HHIPL1: variants seen among roughly 807,000 people sequenced by gnomAD.
HHIPL1 encodes the protein HHIP-like protein 1.
Under a neutral mutation model 61.8 loss-of-function variants are expected in HHIPL1, and 43 were observed. The ratio of observed to expected loss-of-function variants is 0.70; its 90% CI spans 0.55 to 0.90. HHIPL1 has a LOEUF of 0.90. Ranked by LOEUF, HHIPL1 falls within the 40% of genes least tolerant of loss-of-function variation. The pLI, the probability that HHIPL1 is intolerant of heterozygous loss-of-function variation, is 0.00. For missense variants in HHIPL1, 1,056 were observed against 1,157.7 expected, an observed-to-expected ratio of 0.91 and a Z score of 1.28; for synonymous variants, 482 against 515.8, an observed-to-expected ratio of 0.93 and a Z score of 0.89.
At chr14:99,628,487 A>G in the HHIPL1 span, among the ~76,000 whole-genome samples, 1 of 151,232 alleles carries the variant, frequency 6.6e-6, no homozygotes, top group Non-Finnish European at 1.5e-5. Flanking sequence ...AGGCTGAGGC[A>G]GGAGCATCAC....
the HHIPL1 span, among the ~76,000 whole-genome samples, chr14:99,619,017 G>A: frequency 6.6e-6 from 1 of 152,166 alleles, no homozygotes; most frequent in Non-Finnish European, 1.5e-5. Flanking sequence ...TGGGGACTGG[G>A]GAGGGTGAGA....
intron 1 of HHIPL1, 41 bp downstream of exon 1, chr14:99,645,503 A>G: frequency 1.6e-6 from 2 of 1,258,436 alleles, no homozygotes; most frequent in Non-Finnish European, 9.9e-7. Flanking sequence ...GGGGCGCGGG[A>G]GGCCGAGTCC....
chr14:99,663,081 C>T, intron 6 of HHIPL1, 60 bp downstream of exon 6: 1 of 1,482,656 alleles, frequency 6.7e-7, no homozygotes, highest in Non-Finnish European at 9.1e-7. Flanking sequence ...GTCCTCCACC[C>T]TGTGGTCCTT....
chr14:99,636,830 A>G, the HHIPL1 span, among the ~76,000 whole-genome samples: 2 of 142,610 alleles, frequency 1.4e-5, no homozygotes, highest in Non-Finnish European at 3.1e-5. Context: ...CTACAAAAAA[A>G]TAAAAAATTA....
At chr14:99,615,057 G>A in the HHIPL1 span, among the ~76,000 whole-genome samples, 4 of 152,074 alleles carry the variant, frequency 2.6e-5, no homozygotes, top group African/African-American at 2.4e-5. Flanking sequence ...AAAGGAATCA[G>A]AATGATGTTG....
At position 99,657,039 on chromosome 14, in the gene HHIPL1, CG is replaced by C. The variant is rs1566810279; in HGVS notation, c.947del (p.Gly316AlafsTer174). ...EVKEPASNHN[G>X]GQLLFGDDGY... is the part of the protein sequence containing the mutation. ...TCAAAGAACCAGCCTCAAACCACAACGGGGGCCAGCTGCTTTTCGGGGATGA... is the reference window on the plus strand; with the variant it reads ...TCAAAGAACCAGCCTCAAACCACAACGGGGCCAGCTGCTTTTCGGGGATGA... On this transcript the variant is annotated frameshift_variant, in exon 3 of 9. Coordinates refer to ENST00000330710, the MANE Select transcript of HHIPL1 (RefSeq NM_001127258.3). LOFTEE classifies it high-confidence loss of function. 4 of 1,613,386 alleles carry C rather than the reference CG, an allele frequency of 2.5e-6. No individual in the cohort carries two copies.
chr14:99,620,776 G>T, the HHIPL1 span, among the ~76,000 whole-genome samples: 4 of 152,236 alleles, frequency 2.6e-5, no homozygotes, highest in African/African-American at 4.8e-5. Flanking sequence ...CAGAACGTAG[G>T]GGGGCCAGGC....
rs1351440284 is a variant in HHIPL1 at position 99,675,525 on chromosome 14, C to T, written c.2248C>T (p.Arg750Trp). ...LDDVRCAGWE[R>W]NLLECQHNGV... Reference sequence around the variant, plus strand: ...CGATGTGCGCTGCGCGGGCTGGGAGCGGAACCTGCTGGAGTGCCAGCACAA... The same window carrying T: ...CGATGTGCGCTGCGCGGGCTGGGAGTGGAACCTGCTGGAGTGCCAGCACAA... Residue 750 changes from arginine (R) to tryptophan (W), a missense_variant, in exon 9 of 9, where the codon CGG (arginine) becomes TGG (tryptophan). Physicochemically the swap from Arg to Trp is moderately radical, Grantham distance 101. Coordinates refer to ENST00000330710, the MANE Select transcript of HHIPL1 (RefSeq NM_001127258.3). The surrounding 1 kb of genome is among the most constrained non-coding windows in gnomAD (Gnocchi z 5.4). 3.2e-6 allele frequency: 5 copies of T among 1,541,966 alleles called. No homozygotes were observed. The highest frequency in any genetic ancestry group is 1.2e-5 in the South Asian group (1 of 83,956).
chr14:99,634,999 C>T, the HHIPL1 span, among the ~76,000 whole-genome samples: 2 of 152,302 alleles, frequency 1.3e-5, no homozygotes, highest in South Asian at 4.1e-4. Context: ...GTCCCTACCC[C>T]CAGTCACTAC....
At chr14:99,637,885 C>T in the HHIPL1 span, among the ~76,000 whole-genome samples, 20 of 152,194 alleles carry the variant, frequency 1.3e-4, no homozygotes, top group Non-Finnish European at 1.2e-4. Flanking sequence ...CTGTCCAAGG[C>T]CACACAGTTG....
At chr14:99,612,961 C>T in the HHIPL1 span, among the ~76,000 whole-genome samples, 1 of 152,224 alleles carries the variant, frequency 6.6e-6, no homozygotes, top group African/African-American at 2.4e-5. Flanking sequence ...CCAATCTCCT[C>T]CAGTGCCTGA....
the HHIPL1 span, among the ~76,000 whole-genome samples, chr14:99,627,957 T>G: frequency 6.6e-6 from 1 of 152,114 alleles, no homozygotes; most frequent in Non-Finnish European, 1.5e-5. This position sits in a 1 kb window ranked among gnomAD's most constrained non-coding sequence, Gnocchi z 4.4. Flanking sequence ...AATCTGCACC[T>G]GATTCTTTAG....
At chr14:99,608,052 C>T in the HHIPL1 span, among the ~76,000 whole-genome samples, 97,145 of 151,692 alleles carry the variant, frequency 0.64, 34,482 homozygotes, top group South Asian at 0.87. Context: ...AGGAGTTTGT[C>T]GTCTTGTGGA....
At chr14:99,657,229 G>A (rs2056063778) in intron 3 of HHIPL1, 86 bp downstream of exon 3, 11 of 1,465,804 alleles carry the variant, frequency 7.5e-6, no homozygotes, top group Non-Finnish European at 1.0e-5. Context: ...TTCCTTCCTC[G>A]GCCAGGCATT....
chr14:99,627,836 C>T, the HHIPL1 span, among the ~76,000 whole-genome samples: 1 of 151,990 alleles, frequency 6.6e-6, no homozygotes, highest in South Asian at 2.1e-4. This position sits in a 1 kb window ranked among gnomAD's most constrained non-coding sequence, Gnocchi z 4.4. Context: ...GAGAAAGGAA[C>T]ATTTGGAGAT....
Position 99,675,304 on chromosome 14 carries a change from TGCGGCCC to T in HHIPL1, c.2032_2038del (p.Pro678AlafsTer2), listed in dbSNP as rs1172569629. 1 of 1,328,260 alleles carries T rather than the reference TGCGGCCC, an allele frequency of 7.5e-7. No individual in the cohort carries two copies. The highest frequency in any genetic ancestry group is 9.6e-7 in the Non-Finnish European group (1 of 1,040,050). 82.3% of individuals were successfully genotyped at this position (1,328,260 alleles called of 1,614,324 possible). On this transcript the variant is annotated frameshift_variant, in exon 9 of 9. Coordinates refer to ENST00000330710, the MANE Select transcript of HHIPL1 (RefSeq NM_001127258.3). LOFTEE classifies it low-confidence loss of function (END_TRUNC). The surrounding 1 kb of genome is among the most constrained non-coding windows in gnomAD (Gnocchi z 5.4). The stretch of plus-strand genomic sequence containing the variant: ...TTCCGGGATGGCGAGGTGCGCCTGG[TGCGGCCC>T]GCGGGCCTGAGCTCTGGCAGCGGGC...
Position 99,672,327 on chromosome 14 carries a change from C to T in HHIPL1, c.1741C>T (p.Pro581Ser). ...GTGTGTCGTTGGCAGGCGGGCACCA[C>T]CTGGCAAATGTCAGATCCAGCCTGC... ...KIIDASRRAP[P>S]GKCQIQPAQV... The change falls in exon 8 of 9, where the codon CCT (proline) becomes TCT (serine). Residue 581 changes from proline to serine, a missense_variant. Physicochemically the swap from Pro to Ser is moderately conservative, Grantham distance 74. Coordinates refer to ENST00000330710, the MANE Select transcript of HHIPL1 (RefSeq NM_001127258.3). 1.9e-5 allele frequency: 29 copies of T among 1,551,196 alleles called. No homozygotes were observed. The highest frequency in any genetic ancestry group is 2.5e-5 in the Non-Finnish European group (29 of 1,146,918).
the HHIPL1 span, among the ~76,000 whole-genome samples, chr14:99,609,740 T>C: frequency 6.6e-6 from 1 of 152,244 alleles, no homozygotes; most frequent in African/African-American, 2.4e-5. Context: ...GGCACCTTTC[T>C]GGAGCTCAGG....
the HHIPL1 span, among the ~76,000 whole-genome samples, chr14:99,623,233 G>C: frequency 6.6e-6 from 1 of 152,194 alleles, no homozygotes; most frequent in African/African-American, 2.4e-5. Context: ...AACGGTGCCT[G>C]GGAGCTGCCT....
Sources: allele counts gnomAD v4.1 joint callset (sites outside exome capture counted in the v4.1 genomes callset), GRCh38; gene constraint gnomAD v4.1.1; non-coding constraint Gnocchi (gnomAD v3.1); transcripts MANE v1.5; gene names NCBI Gene and HGNC (gene_info 2026-07-23, HGNC 2026-07-21).